Variants in SPOUT1 observed in about 807,000 individuals in gnomAD.
The protein encoded by SPOUT1 is 28S rRNA (uridine-N(3))-methyltransferase.
Under a neutral mutation model 54.8 loss-of-function variants are expected in SPOUT1, and 40 were observed. The ratio of observed to expected loss-of-function variants is 0.73; its 90% CI spans 0.57 to 0.95. The LOEUF is 0.95. Among genes scored for constraint, SPOUT1 ranks in the 40% least tolerant of loss-of-function variants. The probability of loss-of-function intolerance (pLI) is 0.00; values close to 1 mark genes in which losing one functional copy is unlikely to be tolerated. For synonymous variants in SPOUT1, 193 were observed against 200.3 expected, an observed-to-expected ratio of 0.96 and a Z score of 0.31; for missense variants, 437 against 499.5, an observed-to-expected ratio of 0.87 and a Z score of 1.19.
At chr9:128,825,123 C>A in intron 7 of SPOUT1, 74 bp from the exon 8 acceptor site, 1 of 1,170,288 alleles carries the variant, frequency 8.5e-7, no homozygotes, top group Admixed American at 2.0e-5. Flanking sequence ...CCAGATGCCA[C>A]CAGGGGAGCC....
At chr9:128,824,017 G>A in intron 10 of SPOUT1, 55 bp downstream of exon 10, 16 of 1,580,122 alleles carry the variant, frequency 1.0e-5, no homozygotes, top group Non-Finnish European at 1.4e-5. Flanking sequence ...CACCCACCAG[G>A]CAGGTTCCTG....
intron 7 of SPOUT1, 144 bp from the exon 8 acceptor site, chr9:128,825,193 C>A: frequency 1.6e-6 from 1 of 637,402 alleles, no homozygotes; most frequent in South Asian, 1.9e-5. Context: ...CCCCTGGCAC[C>A]GGCTGAACCT....
chr9:128,824,954 G>A, intron 8 of SPOUT1, 23 bp downstream of exon 8: 1 of 1,606,330 alleles, frequency 6.2e-7, no homozygotes, highest in South Asian at 1.1e-5. Context: ...GCCAACCCAG[G>A]GGTTGGGGAA....
chr9:128,824,772 G>A lies in SPOUT1; in HGVS notation c.810C>T (p.Leu270=). 4 of 1,610,834 alleles carry A rather than the reference G, an allele frequency of 2.5e-6. No individual in the cohort carries two copies. The highest frequency in any genetic ancestry group is 3.4e-6 in the Non-Finnish European group (4 of 1,177,024). Residue 270 remains leucine (L), a splice_region_variant and synonymous_variant, in exon 9 of 12, where the codon CTC becomes CTT. Coordinates refer to ENST00000361256, the MANE Select transcript of SPOUT1 (RefSeq NM_016390.4). ...CAGAGAAGTAAGGTCTGTCCTTACT[G>A]AGGCAGGAAGCCAGTCGGACGGTGT... ...WGYTVRLASC[L]SAVFAEAPFQ...
At position 128,821,928 on chromosome 9, in the gene SPOUT1, C is replaced by T. The variant is rs867637828; in HGVS notation, c.*837G>A. The T allele has an allele frequency of 3.2e-4, 69 of 216,068 alleles. No individual in the cohort carries two copies. The East Asian group carries it at 7.4e-3, about 23-fold the overall frequency. 13.4% of individuals were successfully genotyped at this position (216,068 alleles called of 1,614,324 possible). A position where few individuals can be genotyped will look rare whatever the true frequency, so the allele number is the denominator to read the frequency against. On this transcript the variant is annotated 3_prime_UTR_variant, in exon 12 of 12. Coordinates refer to ENST00000361256, the MANE Select transcript of SPOUT1 (RefSeq NM_016390.4). ...GAGGAGACTCTGCTGAGGGGGAGCC[C>T]CCGTCCGGTGTCCTGGCACCTGTGC...
Position 128,820,624 on chromosome 9 carries a change from C to A in SPOUT1, c.*2141G>T, listed in dbSNP as rs1466699113. Reference sequence around the variant, plus strand: ...TTCCTTGAGCCTCAGTTTCCCCCCGCTTGTCTCACTGGATATCTCTGAGCC... The same window carrying A: ...TTCCTTGAGCCTCAGTTTCCCCCCGATTGTCTCACTGGATATCTCTGAGCC... On this transcript the variant is annotated 3_prime_UTR_variant, in exon 12 of 12. Transcript: ENST00000361256. The A allele has an allele frequency of 2.4e-6, 2 of 829,924 alleles. No individual in the cohort carries two copies. Among genetic ancestry groups the A allele is most frequent in the African/African-American group, 1.7e-5 (1 of 58,720 alleles). The allele number at this position is 829,924 out of a possible 1,614,324, so 51.4% of individuals were successfully genotyped here.
intron 8 of SPOUT1, 30 bp from the exon 9 acceptor site, chr9:128,824,899 G>A (rs1302074824): frequency 1.2e-6 from 2 of 1,602,630 alleles, no homozygotes; most frequent in East Asian, 2.2e-5. Flanking sequence ...TGTAAAGATG[G>A]GGTGAGGGAA....
intron 11 of SPOUT1, 75 bp from the exon 12 acceptor site, chr9:128,822,908 G>A: frequency 2.6e-6 from 3 of 1,146,932 alleles, no homozygotes; most frequent in Admixed American, 2.3e-5. Context: ...TGTCTTCAGT[G>A]CCTGGCTGCC....
rs1196049380 is a variant in SPOUT1, at chr9:128,826,452, C to G, written c.459-19G>C. Reference sequence around the variant, plus strand: ...CAGGTACCTAGGAAAGAATGCTGACCTCAGGATGTTCCCAGGGGAAGCCGC... The same window carrying G: ...CAGGTACCTAGGAAAGAATGCTGACGTCAGGATGTTCCCAGGGGAAGCCGC... On this transcript the variant is annotated intron_variant, in intron 5 of 11. Coordinates refer to ENST00000361256, the MANE Select transcript of SPOUT1 (RefSeq NM_016390.4). The surrounding 1 kb of genome is among the most constrained non-coding windows in gnomAD (Gnocchi z 5.5). 2 of 1,613,792 alleles carry G rather than the reference C, an allele frequency of 1.2e-6. No individual in the cohort carries two copies. Among genetic ancestry groups the G allele is most frequent in the African/African-American group, 1.3e-5 (1 of 74,854 alleles).
intron 11 of SPOUT1, 89 bp downstream of exon 11, chr9:128,823,658 G>C (rs1184677230): frequency 8.1e-7 from 1 of 1,235,342 alleles, no homozygotes; most frequent in South Asian, 1.5e-5. Context: ...CCACGGGCAA[G>C]GGTGGGTGAC....
intron 11 of SPOUT1, 98 bp downstream of exon 11, chr9:128,823,649 C>T (rs2118791478): frequency 8.8e-7 from 1 of 1,142,332 alleles, no homozygotes; most frequent in Non-Finnish European, 1.2e-6. Flanking sequence ...ACAAGGCAGC[C>T]ACGGGCAAGG....
Position 128,828,717 on chromosome 9 carries a change from C to T in SPOUT1, c.208+18G>A, listed in dbSNP as rs1830288291. 4 of 1,612,596 alleles carry T rather than the reference C, an allele frequency of 2.5e-6. No individual in the cohort carries two copies. The East Asian group carries it at 8.9e-5, about 36-fold the overall frequency. On this transcript the variant is annotated intron_variant, in intron 3 of 11. Coordinates refer to ENST00000361256, the MANE Select transcript of SPOUT1 (RefSeq NM_016390.4). ...CCGTGGGCCACAACCTGTGGCCCTC[C>T]CCAAGACCCCAGCTCACCGCGGTCC...
Position 128,826,900 on chromosome 9 carries a change from A to T in SPOUT1, c.368+132T>A. 1.0e-6 allele frequency: 1 copy of T among 992,942 alleles called. No individual in the cohort carries two copies. Among genetic ancestry groups the T allele is most frequent in the Non-Finnish European group, 1.5e-6 (1 of 659,918 alleles). 61.5% of individuals were successfully genotyped at this position (992,942 alleles called of 1,614,324 possible). A position where few individuals can be genotyped will look rare whatever the true frequency, so the allele number is the denominator to read the frequency against. ...CTGGCAACTCTACCCACTAAGGATT[A>T]CACAGGGAATATTTCAGGCAGGGCA... On this transcript the variant is annotated intron_variant, in intron 4 of 11. Transcript: ENST00000361256. The surrounding 1 kb of genome is among the most constrained non-coding windows in gnomAD (Gnocchi z 5.5).
chr9:128,826,540 T>C lies in SPOUT1; in HGVS notation c.458A>G (p.Gln153Arg). ...ARILQYLECP[Q>R]YLRKAFFPKH... Reference sequence around the variant, plus strand: ...ATGCTTAGGGGAGTGACCCCCTTACTGTGGACACTCCAGGTACTGCAGGAT... The same window carrying C: ...ATGCTTAGGGGAGTGACCCCCTTACCGTGGACACTCCAGGTACTGCAGGAT... Residue 153 changes from glutamine (Q) to arginine (R), a missense_variant and splice_region_variant, in exon 5 of 12, where the codon CAG (glutamine) becomes CGG (arginine). Physicochemically the swap from Gln to Arg is conservative, Grantham distance 43. Transcript: ENST00000361256. The surrounding 1 kb of genome is among the most constrained non-coding windows in gnomAD (Gnocchi z 5.5). 1 of 1,611,514 alleles carries C rather than the reference T, an allele frequency of 6.2e-7. No individual in the cohort carries two copies. The highest frequency in any genetic ancestry group is 8.5e-7 in the Non-Finnish European group (1 of 1,178,344).
Position 128,821,844 on chromosome 9 carries a change from G to A in SPOUT1, c.*921C>T, listed in dbSNP as rs962280240. 5 of 176,734 alleles carry A rather than the reference G, an allele frequency of 2.8e-5. No individual in the cohort carries two copies. The highest frequency in any genetic ancestry group is 5.4e-5 in the Admixed American group (1 of 18,478). The allele number at this position is 176,734 out of a possible 1,614,324, so 10.9% of individuals were successfully genotyped here. A position where few individuals can be genotyped will look rare whatever the true frequency, so the allele number is the denominator to read the frequency against. On this transcript the variant is annotated 3_prime_UTR_variant, in exon 12 of 12. Transcript: ENST00000361256. ...GGGCTCGGCATAGGCTGGCCAAGGC[G>A]GTGGTTGGGGCACTGATCAAATTTC... is the stretch of plus-strand genomic sequence containing the variant.
At chr9:128,827,384 G>A (rs1199789062) in intron 3 of SPOUT1, among the ~76,000 whole-genome samples, 193 bp from the exon 4 acceptor site, 2 of 152,218 alleles carry the variant, frequency 1.3e-5, no homozygotes, top group Non-Finnish European at 2.9e-5. Flanking sequence ...CTCTGAGCAG[G>A]GCAAACCACT....
In SPOUT1 at chr9:128,822,221, C is replaced by T; in HGVS notation, c.*544G>A. 2 of 1,376,346 alleles carry T rather than the reference C, an allele frequency of 1.5e-6. No homozygotes were observed. The highest frequency in any genetic ancestry group is 2.0e-6 in the Non-Finnish European group (2 of 1,016,048). 85.3% of individuals were successfully genotyped at this position (1,376,346 alleles called of 1,614,324 possible). ...GAAGTCTCACAGTGAGGGCGTGGTC[C>T]TGCAGGTTGACAGAAGTTAGAGGAC... On this transcript the variant is annotated 3_prime_UTR_variant, in exon 12 of 12. Transcript: ENST00000361256.
In SPOUT1 at chr9:128,826,319, T is replaced by G. The variant is rs1830239734; in HGVS notation, c.508+65A>C. 1.0e-5 allele frequency: 16 copies of G among 1,586,096 alleles called. No individual in the cohort carries two copies. Among genetic ancestry groups the G allele is most frequent in the Non-Finnish European group, 1.4e-5 (16 of 1,154,684 alleles). On this transcript the variant is annotated intron_variant, in intron 6 of 11. Coordinates refer to ENST00000361256, the MANE Select transcript of SPOUT1 (RefSeq NM_016390.4). This position sits in a 1 kb window ranked among gnomAD's most constrained non-coding sequence, Gnocchi z 5.5. ...CCACCTGGACAGCGCAGGGTAGGAC[T>G]GGGTGGTCTCAGTGTCTGTGGCATG... is the stretch of plus-strand genomic sequence containing the variant.
Position 128,821,129 on chromosome 9 carries a change from C to A in SPOUT1, c.*1636G>T. On this transcript the variant is annotated 3_prime_UTR_variant, in exon 12 of 12. Coordinates refer to ENST00000361256, the MANE Select transcript of SPOUT1 (RefSeq NM_016390.4). ...CTGCTGTCACCTCTTGGCATGCCCA[C>A]CCAATCTTGTTCTGCCAATATGGAA... is the stretch of plus-strand genomic sequence containing the variant. 1 of 492,516 alleles carries A rather than the reference C, an allele frequency of 2.0e-6. No homozygotes were observed. The highest frequency in any genetic ancestry group is 2.3e-5 in the South Asian group (1 of 43,180). 30.5% of individuals were successfully genotyped at this position (492,516 alleles called of 1,614,324 possible). A position where few individuals can be genotyped will look rare whatever the true frequency, so the allele number is the denominator to read the frequency against.
Sources: gnomAD v4.1 joint callset for allele counts (sites outside exome capture counted in the v4.1 genomes callset) on GRCh38, gnomAD v4.1.1 for gene constraint, Gnocchi (gnomAD v3.1) non-coding constraint, MANE v1.5 for transcripts, NCBI Gene and HGNC (gene_info 2026-07-23, HGNC 2026-07-21) for gene names.